TMEM132C: variants seen among roughly 807,000 people sequenced by gnomAD.
TMEM132C encodes transmembrane protein 132C.
TMEM132C carries 29 observed loss-of-function variants against 61.4 expected under a neutral mutation model. That is an observed-to-expected ratio of 0.47 (90% CI 0.35 to 0.64). The LOEUF is 0.64. Among genes scored for constraint, TMEM132C ranks in the 30% least tolerant of loss-of-function variants. The pLI, the probability that TMEM132C is intolerant of heterozygous loss-of-function variation, is 0.00. For synonymous variants in TMEM132C, 656 were observed against 633.1 expected (o/e 1.04, Z -0.54); for missense variants, 1,408 against 1,476.9 (o/e 0.95, Z 0.76).
intron 3 of TMEM132C, among the ~76,000 whole-genome samples, chr12:128,598,242 C>A (rs1295416355): frequency 6.6e-6 from 1 of 152,068 alleles, no homozygotes; most frequent in Non-Finnish European, 1.5e-5. Flanking sequence ...CATGGCGGAA[C>A]CCCAACTCTA....
intron 2 of TMEM132C, among the ~76,000 whole-genome samples, chr12:128,425,293 C>T (rs1053400134): frequency 6.6e-6 from 1 of 152,240 alleles, no homozygotes; most frequent in South Asian, 2.1e-4. Flanking sequence ...CCCCTTGGCG[C>T]TCATCTGGGA....
intron 4 of TMEM132C, 89 bp downstream of exon 4, chr12:128,616,424 A>G (rs1876804038): frequency 1.5e-6 from 2 of 1,324,216 alleles, no homozygotes; most frequent in African/African-American, 1.5e-5. Context: ...TGTTTGCTAC[A>G]ATGATTTTAT....
At chr12:128,360,099 T>G (rs924536514) in intron 1 of TMEM132C, among the ~76,000 whole-genome samples, 9 of 152,206 alleles carry the variant, frequency 5.9e-5, no homozygotes, top group Non-Finnish European at 1.3e-4. Flanking sequence ...GCTGATGATT[T>G]GCCCAGCACC....
At chr12:128,289,401 C>T (rs1293637791) in intron 1 of TMEM132C, among the ~76,000 whole-genome samples, 2 of 152,186 alleles carry the variant, frequency 1.3e-5, no homozygotes, top group Non-Finnish European at 2.9e-5. Context: ...TCCCTAACTC[C>T]GTGGGGCACA....
chr12:128,294,884 C>T (rs1290543004), intron 1 of TMEM132C, among the ~76,000 whole-genome samples: 1 of 152,046 alleles, frequency 6.6e-6, no homozygotes, highest in African/African-American at 2.4e-5. Context: ...AGAACACAGC[C>T]ATTTTGTAGT....
At chr12:128,316,831 C>T (rs1489880303) in intron 1 of TMEM132C, among the ~76,000 whole-genome samples, 1 of 152,104 alleles carries the variant, frequency 6.6e-6, no homozygotes, top group East Asian at 1.9e-4. Context: ...TTCCAAGATA[C>T]ACTCCTTTCC....
intron 2 of TMEM132C, among the ~76,000 whole-genome samples, chr12:128,491,142 G>T (rs1244818001): frequency 6.6e-6 from 1 of 152,158 alleles, no homozygotes; most frequent in African/African-American, 2.4e-5. Context: ...GACAGGCAAG[G>T]TGCTCTGTAG....
chr12:128,501,885 T>C (rs1039602733), intron 2 of TMEM132C, among the ~76,000 whole-genome samples: 2 of 152,194 alleles, frequency 1.3e-5, no homozygotes, highest in African/African-American at 2.4e-5. Context: ...AGCCTTTGTG[T>C]CTGTAACACT....
At chr12:128,269,302 C>A (rs1345930078) in intron 1 of TMEM132C, among the ~76,000 whole-genome samples, 1 of 150,708 alleles carries the variant, frequency 6.6e-6, no homozygotes, top group Non-Finnish European at 1.5e-5. Context: ...ACTGGATGTT[C>A]CCTTTAAAGC....
At position 128,295,773 on chromosome 12, in the gene TMEM132C, T is replaced by TAA. The variant is rs369608460; in HGVS notation, c.85+28297_85+28298dup. 3.5e-3 allele frequency among the ~76,000 whole-genome samples: 510 copies of TAA among 146,668 alleles called. 3 individuals are homozygous for TAA. Among genetic ancestry groups the TAA allele is most frequent in the African/African-American group, 0.011 (462 of 40,428 alleles). ...ATAGATTTCAGTTTTAAGCACCAAT[T>TAA]AAAAAAAAAAAACCTTAAAAATTTC... On this transcript the variant is annotated intron_variant, in intron 1 of 8. Transcript: ENST00000435159.
chr12:128,622,400 T>TATAA (rs1349334213), intron 4 of TMEM132C, among the ~76,000 whole-genome samples: 4 of 117,350 alleles, frequency 3.4e-5, no homozygotes, highest in Non-Finnish European at 7.1e-5. Context: ...TATATATATA[T>TATAA]AACCAGGAAA....
intron 4 of TMEM132C, among the ~76,000 whole-genome samples, chr12:128,641,241 T>C (rs1445881287): frequency 6.6e-6 from 1 of 152,154 alleles, no homozygotes; most frequent in Non-Finnish European, 1.5e-5. Context: ...CACAGATCCA[T>C]GTCCAGCATC....
intron 1 of TMEM132C, among the ~76,000 whole-genome samples, chr12:128,289,713 A>G (rs554155185): frequency 6.6e-6 from 1 of 152,196 alleles, no homozygotes; most frequent in Non-Finnish European, 1.5e-5. Context: ...TTTGGCCTAT[A>G]TTGGTATCAT....
At chr12:128,525,116 G>T (rs924709683) in intron 2 of TMEM132C, among the ~76,000 whole-genome samples, 1 of 152,212 alleles carries the variant, frequency 6.6e-6, no homozygotes, top group Non-Finnish European at 1.5e-5. Flanking sequence ...TGCAGGTGGA[G>T]GTGCCCTGGT....
intron 3 of TMEM132C, among the ~76,000 whole-genome samples, chr12:128,603,536 C>T (rs898769041): frequency 2.4e-4 from 37 of 152,298 alleles, no homozygotes; most frequent in Non-Finnish European, 4.7e-4. Flanking sequence ...TTTAGTCTGG[C>T]CAGGAGTGGA....
intron 2 of TMEM132C, among the ~76,000 whole-genome samples, chr12:128,511,776 C>G (rs1872573835): frequency 6.6e-6 from 1 of 152,222 alleles, no homozygotes; most frequent in African/African-American, 2.4e-5. Flanking sequence ...CACCCCACCC[C>G]AAGGTGCAAT....
At chr12:128,537,602 A>G (rs1873578649) in intron 2 of TMEM132C, among the ~76,000 whole-genome samples, 1 of 152,218 alleles carries the variant, frequency 6.6e-6, no homozygotes, top group African/African-American at 2.4e-5. Context: ...AAAGTGTGAG[A>G]ACTGTAGTGC....
At chr12:128,420,988 A>G (rs1270727400) in intron 2 of TMEM132C, among the ~76,000 whole-genome samples, 2 of 152,204 alleles carry the variant, frequency 1.3e-5, no homozygotes, top group Non-Finnish European at 2.9e-5. Flanking sequence ...GAAGTTTGGG[A>G]ACCAACACTG....
chr12:128,568,635 T>G (rs571094837), intron 3 of TMEM132C, among the ~76,000 whole-genome samples: 34 of 152,252 alleles, frequency 2.2e-4, no homozygotes, highest in African/African-American at 7.9e-4. Flanking sequence ...AGCTGGCAAG[T>G]GGCAGAGTGG....
Sources: gnomAD v4.1 joint callset for allele counts (sites outside exome capture counted in the v4.1 genomes callset) on GRCh38, gnomAD v4.1.1 for gene constraint, MANE v1.5 for transcripts, NCBI Gene and HGNC (gene_info 2026-07-23, HGNC 2026-07-21) for gene names.